Variants in PIAS2 observed in about 807,000 individuals in gnomAD.
The protein encoded by PIAS2 is E3 SUMO-protein ligase PIAS2.
Under a neutral mutation model 69.7 loss-of-function variants are expected in PIAS2, and 19 were observed. The observed-to-expected ratio is 0.27, with a 90% CI of 0.19 to 0.40. The LOEUF (loss-of-function observed/expected upper bound fraction) is 0.40. PIAS2 is among the 10% of genes least tolerant of loss of function. PIAS2 has a pLI of 1.00. For missense variants in PIAS2, 624 were observed against 757.0 expected, an observed-to-expected ratio of 0.82 and a Z score of 2.06; for synonymous variants, 261 against 263.2, an observed-to-expected ratio of 0.99 and a Z score of 0.08.
chr18:46,874,798 C>A (rs1408681381), intron 2 of PIAS2, among the ~76,000 whole-genome samples: 4 of 152,196 alleles, frequency 2.6e-5, no homozygotes, highest in Admixed American at 6.5e-5. Flanking sequence ...AGAGACACCA[C>A]CCTTGGAGTT....
chr18:46,872,804 G>A (rs530523728), intron 2 of PIAS2, among the ~76,000 whole-genome samples: 2 of 152,290 alleles, frequency 1.3e-5, no homozygotes, highest in South Asian at 4.1e-4. Context: ...ATATGCCCTA[G>A]AGATGAAACC....
At chr18:46,850,571 G>T (rs1443432345) in intron 5 of PIAS2, among the ~76,000 whole-genome samples, 1 of 152,082 alleles carries the variant, frequency 6.6e-6, no homozygotes, top group Non-Finnish European at 1.5e-5. Context: ...AAAAATTTTA[G>T]AAACAAAAAA....
intron 2 of PIAS2, among the ~76,000 whole-genome samples, chr18:46,873,555 C>T (rs1057209542): frequency 1.3e-5 from 2 of 152,080 alleles, no homozygotes; most frequent in African/African-American, 4.8e-5. Flanking sequence ...GTTTAACATG[C>T]ATTAAATCAG....
intron 3 of PIAS2, 75 bp downstream of exon 3, chr18:46,864,089 G>T: frequency 2.4e-6 from 2 of 839,258 alleles, no homozygotes; most frequent in Non-Finnish European, 1.9e-6. Flanking sequence ...TCCAGTCTGT[G>T]AAATTTTGTT....
intron 2 of PIAS2, among the ~76,000 whole-genome samples, chr18:46,889,742 T>A (rs1373754416): frequency 2.0e-5 from 3 of 152,068 alleles, no homozygotes; most frequent in African/African-American, 7.2e-5. Context: ...CCAGAAGAAT[T>A]GAAAAGCAGG....
rs35677026 is a variant in PIAS2 at position 46,888,363 on chromosome 18, AT to A, written c.499+2216del. The stretch of plus-strand genomic sequence containing the variant: ...CACTACAATTCCTCTCAAAATCCCA[AT>A]TTTTTTTTTTTATCAGAAATAGAAA... On this transcript the variant is annotated intron_variant, in intron 2 of 13. Transcript: ENST00000585916. 6.9e-3 allele frequency among the ~76,000 whole-genome samples: 1,027 copies of A among 149,262 alleles called. 6 individuals carry two copies. The highest frequency in any genetic ancestry group is 0.023 in the African/African-American group (923 of 40,814).
chr18:46,817,912 ACT>A, intron 12 of PIAS2: 1 of 981,436 alleles, frequency 1.0e-6, no homozygotes, highest in Middle Eastern at 5.2e-4. Flanking sequence ...TTAAAATTTT[ACT>A]GCCTTGTTTC....
intron 3 of PIAS2, among the ~76,000 whole-genome samples, chr18:46,862,338 A>G (rs1174364950): frequency 6.6e-6 from 1 of 152,228 alleles, no homozygotes; most frequent in Non-Finnish European, 1.5e-5. Flanking sequence ...CTGTCTCAAA[A>G]AAAAAATTAT....
chr18:46,918,511 A>C (rs1441073391), upstream of PIAS2, among the ~76,000 whole-genome samples: 1 of 151,926 alleles, frequency 6.6e-6, no homozygotes, highest in African/African-American at 2.4e-5. Context: ...CTGGAGTGCA[A>C]TGGCACGATC....
chr18:46,853,709 A>C (rs542696094), intron 5 of PIAS2: 1 of 152,830 alleles, frequency 6.5e-6, no homozygotes, highest in East Asian at 1.9e-4. Flanking sequence ...GAACTGCCTG[A>C]ACCCAGGAGG....
At chr18:46,847,848 G>GC (rs976908866) in intron 5 of PIAS2, among the ~76,000 whole-genome samples, 1 of 152,056 alleles carries the variant, frequency 6.6e-6, no homozygotes, top group African/African-American at 2.4e-5. Context: ...CCCAATTACC[G>GC]CAAGACTTCA....
intron 12 of PIAS2, 114 bp downstream of exon 12, chr18:46,820,819 A>C (rs946480125): frequency 1.3e-5 from 12 of 925,668 alleles, no homozygotes; most frequent in Non-Finnish European, 1.6e-6. Context: ...CGAAGCTTTC[A>C]AATTTCCTTA....
At position 46,840,357 on chromosome 18, in the gene PIAS2, AT is replaced by A. The variant is rs1183798820; in HGVS notation, c.1041+3696del. ...GGTAACCCACGTTAAACATCACTTT[AT>A]GCTCCTAAGAGAAAAAGAACACAAA... On this transcript the variant is annotated intron_variant, in intron 8 of 13. Transcript: ENST00000585916. Among the ~76,000 whole-genome samples the A allele has an allele frequency of 8.5e-5, 13 of 152,328 alleles. No homozygotes were observed. In the East Asian group the frequency reaches 2.5e-3, roughly 29 times the overall value.
intron 12 of PIAS2, chr18:46,816,022 T>G (rs1236970635): frequency 1.0e-6 from 1 of 983,180 alleles, no homozygotes; most frequent in African/African-American, 1.7e-5. Context: ...CATATTCAAG[T>G]AATAACAATA....
intron 1 of PIAS2, among the ~76,000 whole-genome samples, chr18:46,904,716 C>A (rs2187090): frequency 0.53 from 78,922 of 149,886 alleles, 21,014 homozygotes; most frequent in Middle Eastern, 0.57. Flanking sequence ...GCGCCACTGC[C>A]CTCCAGCCTG....
chr18:46,887,272 A>T (rs2053367578), intron 2 of PIAS2, among the ~76,000 whole-genome samples: 1 of 152,038 alleles, frequency 6.6e-6, no homozygotes, highest in African/African-American at 2.4e-5. Flanking sequence ...AAAAAAAAAA[A>T]AATAGCCACA....
chr18:46,815,674 TG>T (rs1291611124), intron 12 of PIAS2: 35 of 1,025,570 alleles, frequency 3.4e-5, no homozygotes, highest in Non-Finnish European at 3.9e-5. Context: ...GATGAGCTAA[TG>T]ATCTGGATTT....
chr18:46,832,394 C>T (rs549803256), intron 9 of PIAS2, among the ~76,000 whole-genome samples: 8 of 151,256 alleles, frequency 5.3e-5, no homozygotes, highest in South Asian at 2.1e-4. Context: ...CCAGCCTGGG[C>T]GACAGAGCGA....
At chr18:46,869,904 C>G (rs1053688063) in intron 2 of PIAS2, among the ~76,000 whole-genome samples, 1 of 152,030 alleles carries the variant, frequency 6.6e-6, no homozygotes, top group Admixed American at 6.6e-5. Context: ...TTCTTTACCC[C>G]CTAAAAGCTA....
Sources: gnomAD v4.1 joint callset for allele counts (sites outside exome capture counted in the v4.1 genomes callset) on GRCh38, gnomAD v4.1.1 for gene constraint, MANE v1.5 for transcripts, NCBI Gene and HGNC (gene_info 2026-07-23, HGNC 2026-07-21) for gene names.